The following KCNN2 variants were observed in gnomAD, a reference collection of about 807,000 sequenced individuals.
The protein encoded by KCNN2 is small conductance calcium-activated potassium channel protein 2.
Under a neutral mutation model 55.5 loss-of-function variants are expected in KCNN2, and 24 were observed. The ratio of observed to expected loss-of-function variants is 0.43; its 90% confidence interval spans 0.31 to 0.61. The LOEUF is 0.61. Ranked by LOEUF, KCNN2 falls within the 20% of genes least tolerant of loss-of-function variation. The pLI, the probability that KCNN2 is intolerant of heterozygous loss-of-function variation, is 0.08. For synonymous variants in KCNN2, 431 were observed against 336.1 expected (o/e 1.28, Z -3.09); for missense variants, 754 against 853.6 (o/e 0.88, Z 1.45).
chr5:114,200,386 T>A lies in KCNN2; in HGVS notation c.-270-21094T>A, dbSNP rs576690124. ...TTTTCTTTTCTCTAAGATATCTGTC[T>A]CTTTGGTAAGTTTCTCATTCGCATC... On this transcript the variant is annotated intron_variant, in intron 1 of 10. Transcript: ENST00000512097. Among the ~76,000 whole-genome samples, 6 of 152,182 alleles carry A rather than the reference T, an allele frequency of 3.9e-5. No homozygotes were observed. In the South Asian group the frequency reaches 1.2e-3, roughly 32 times the overall value.
At chr5:114,428,143 A>G (rs775116478) in intron 3 of KCNN2, among the ~76,000 whole-genome samples, 2 of 152,196 alleles carry the variant, frequency 1.3e-5, no homozygotes, top group Non-Finnish European at 2.9e-5. Context: ...TATTTATTCA[A>G]TGAAAAGTTT....
chr5:114,085,322 T>A (rs1561468841), intron 1 of KCNN2, among the ~76,000 whole-genome samples: 1 of 152,000 alleles, frequency 6.6e-6, no homozygotes, highest in Non-Finnish European at 1.5e-5. Flanking sequence ...ACTGACATCT[T>A]AATAATAATG....
intron 1 of KCNN2, among the ~76,000 whole-genome samples, chr5:114,174,139 T>G (rs1753093630): frequency 6.6e-6 from 1 of 152,102 alleles, no homozygotes; most frequent in African/African-American, 2.4e-5. Context: ...CAGAATTATT[T>G]CAGTTGAAGT....
chr5:114,487,436 T>C (rs41296565), intron 6 of KCNN2, among the ~76,000 whole-genome samples: 8,143 of 152,282 alleles, frequency 0.053, 300 homozygotes, highest in Middle Eastern at 0.075. Context: ...TAACTTCTGC[T>C]GAAATTGTAT....
chr5:114,312,512 C>T (rs568705866), intron 2 of KCNN2, among the ~76,000 whole-genome samples: 1 of 141,170 alleles, frequency 7.1e-6, no homozygotes, highest in East Asian at 2.2e-4. Context: ...TGTACAAACC[C>T]CCATATGGTC....
At chr5:114,291,371 G>A (rs1180369005) in intron 2 of KCNN2, among the ~76,000 whole-genome samples, 9 of 151,858 alleles carry the variant, frequency 5.9e-5, no homozygotes, top group Admixed American at 2.6e-4. Context: ...CCTGGAGTGC[G>A]ATGTTCCCCT....
At chr5:114,390,531 A>C (rs1315713266) in intron 2 of KCNN2, among the ~76,000 whole-genome samples, 2 of 152,184 alleles carry the variant, frequency 1.3e-5, no homozygotes, top group African/African-American at 2.4e-5. Context: ...TATGAAAGAA[A>C]ATAACATTTG....
chr5:114,079,340 A>G (rs1750751285), intron 1 of KCNN2, among the ~76,000 whole-genome samples: 1 of 152,198 alleles, frequency 6.6e-6, no homozygotes, highest in Admixed American at 6.5e-5. Context: ...ATATAGCATT[A>G]TACGTCATGA....
chr5:114,060,171 A>C (rs977086015), intron 1 of KCNN2, among the ~76,000 whole-genome samples: 1 of 152,196 alleles, frequency 6.6e-6, no homozygotes, highest in Admixed American at 6.5e-5. Context: ...CTTAGCCTGC[A>C]TGTGGGTTTC....
chr5:114,294,702 A>G (rs1009709905), intron 2 of KCNN2, among the ~76,000 whole-genome samples: 11 of 152,126 alleles, frequency 7.2e-5, no homozygotes, highest in African/African-American at 2.7e-4. Flanking sequence ...GTAGATGTCT[A>G]TTAGGTCCGC....
intron 2 of KCNN2, among the ~76,000 whole-genome samples, chr5:114,385,110 A>G (rs1390222084): frequency 6.6e-6 from 1 of 152,058 alleles, no homozygotes; most frequent in Non-Finnish European, 1.5e-5. Context: ...GTTTCTGTTA[A>G]AATTAGTGAG....
intron 2 of KCNN2, among the ~76,000 whole-genome samples, chr5:114,369,444 A>G (rs1496388): frequency 0.031 from 4,654 of 152,260 alleles, 237 homozygotes; most frequent in African/African-American, 0.11. Context: ...CTAAAAAAGT[A>G]GAAGAAATTA....
chr5:114,233,832 T>C (rs1754415181), intron 2 of KCNN2, among the ~76,000 whole-genome samples: 2 of 152,300 alleles, frequency 1.3e-5, no homozygotes, highest in South Asian at 2.1e-4. Context: ...AAACTACTTG[T>C]TTCCATTTTT....
chr5:114,125,185 C>T (rs574438836), intron 1 of KCNN2, among the ~76,000 whole-genome samples: 10,527 of 152,108 alleles, frequency 0.069, 1,189 homozygotes, highest in African/African-American at 0.24. Flanking sequence ...CCAAATTTAA[C>T]TTTTTGTACC....
chr5:114,289,782 T>A (rs1222384874), intron 2 of KCNN2, among the ~76,000 whole-genome samples: 1 of 152,204 alleles, frequency 6.6e-6, no homozygotes, highest in Non-Finnish European at 1.5e-5. Flanking sequence ...ACAGAATTAA[T>A]AGTAAATCAT....
intron 2 of KCNN2, among the ~76,000 whole-genome samples, chr5:114,377,593 A>G (rs983047786): frequency 3.3e-5 from 5 of 152,126 alleles, no homozygotes; most frequent in African/African-American, 1.2e-4. Flanking sequence ...AGGACAGTGT[A>G]AGGGAAGAAG....
intron 1 of KCNN2, among the ~76,000 whole-genome samples, chr5:114,063,244 A>G (rs1382230987): frequency 6.6e-6 from 1 of 152,226 alleles, no homozygotes; most frequent in Non-Finnish European, 1.5e-5. Flanking sequence ...GATGATTATC[A>G]TGTATGTGTC....
chr5:114,110,819 A>G (rs1025152563), intron 1 of KCNN2, among the ~76,000 whole-genome samples: 1 of 152,098 alleles, frequency 6.6e-6, no homozygotes, highest in African/African-American at 2.4e-5. Context: ...TTATCTTTCA[A>G]TAAAAGGATC....
intron 1 of KCNN2, among the ~76,000 whole-genome samples, chr5:114,068,421 C>A (rs765659858): frequency 2.0e-5 from 3 of 152,136 alleles, no homozygotes; most frequent in Non-Finnish European, 4.4e-5. Context: ...TTGTACCAGC[C>A]CCTGTTTATT....
Sources: gnomAD v4.1 joint callset for allele counts (sites outside exome capture counted in the v4.1 genomes callset) on GRCh38, gnomAD v4.1.1 for gene constraint, MANE v1.5 for transcripts, NCBI Gene and HGNC (gene_info 2026-07-23, HGNC 2026-07-21) for gene names.